The following JMJD1C variants were observed in gnomAD, a reference collection of about 807,000 sequenced individuals.
JMJD1C encodes jumonji domain containing 1C.
In JMJD1C, 31 loss-of-function variants were observed where a neutral mutation model predicts 245.3. That is an observed-to-expected ratio of 0.13 (90% CI 0.09 to 0.17). The LOEUF (loss-of-function observed/expected upper bound fraction) is 0.17. Ranked by LOEUF, JMJD1C falls within the 10% of genes least tolerant of loss-of-function variation. The pLI is 1.00. For missense variants in JMJD1C, 2,691 were observed against 3,000.2 expected, an observed-to-expected ratio of 0.90 and a Z score of 2.41; for synonymous variants, 1,057 against 1,017.4, an observed-to-expected ratio of 1.04 and a Z score of -0.74.
chr10:63,223,323 G>A (rs572941782), intron 3 of JMJD1C, among the ~76,000 whole-genome samples: 119 of 149,748 alleles, frequency 7.9e-4, no homozygotes, highest in Non-Finnish European at 8.3e-4. Context: ...CGCCTCCCAA[G>A]TTCAAGCGAT....
At chr10:63,194,996 C>G (rs1419650725) in intron 13 of JMJD1C, among the ~76,000 whole-genome samples, 1 of 152,168 alleles carries the variant, frequency 6.6e-6, no homozygotes, top group Non-Finnish European at 1.5e-5. Flanking sequence ...GTGACACAGA[C>G]AGCTACTTAC....
intron 2 of JMJD1C, among the ~76,000 whole-genome samples, chr10:63,337,583 G>GAAA (rs1318103518): frequency 2.2e-5 from 2 of 91,328 alleles, no homozygotes; most frequent in African/African-American, 1.4e-4. Flanking sequence ...GAAAAGAAAA[G>GAAA]AAAAGAAAAG....
rs953648309 is a variant in JMJD1C, at chr10:63,465,613, A to G, written c.50T>C (p.Val17Ala). ...AELVGKRFLC[V>A]AVGDEARSER... ...CGAACGTGCCTCGTCGCCGACCGCC[A>G]CACACAGGAACCGCTTACCCACCAG... The change falls in exon 1 of 26, where the codon GTG becomes GCG. Residue 17 changes from valine to alanine, a missense_variant. Around this residue, in one of 9 missense-constraint regions of JMJD1C, gnomAD observed 135 missense variants for 115.5 expected, o/e 1.17. Coordinates refer to ENST00000399262, the MANE Select transcript of JMJD1C (RefSeq NM_032776.3). 6.2e-7 allele frequency: 1 copy of G among 1,609,764 alleles called. No homozygotes were observed. The highest frequency in any genetic ancestry group is 8.5e-7 in the Non-Finnish European group (1 of 1,179,820).
chr10:63,268,301 T>C (rs979356839), intron 2 of JMJD1C, among the ~76,000 whole-genome samples: 9 of 148,986 alleles, frequency 6.0e-5, no homozygotes, highest in African/African-American at 2.0e-4. Flanking sequence ...CAAGCAGGTC[T>C]ATTGAAAAAC....
chr10:63,223,692 T>C (rs1041152014), intron 3 of JMJD1C, among the ~76,000 whole-genome samples: 2 of 152,166 alleles, frequency 1.3e-5, no homozygotes, highest in African/African-American at 4.8e-5. Context: ...ATGTTTAAAT[T>C]TTATAAGTTA....
At chr10:63,200,741 T>C in intron 10 of JMJD1C, 64 bp from the exon 11 acceptor site, 6 of 1,385,938 alleles carry the variant, frequency 4.3e-6, no homozygotes, top group Non-Finnish European at 6.1e-6. Context: ...CTCCTTGAGA[T>C]GAAATTCAAG....
chr10:63,323,997 G>A (rs1346774310), intron 2 of JMJD1C, among the ~76,000 whole-genome samples: 1 of 151,206 alleles, frequency 6.6e-6, no homozygotes, highest in Admixed American at 6.6e-5. Flanking sequence ...CAGGAGACAA[G>A]GATGTTCCAG....
intron 3 of JMJD1C, among the ~76,000 whole-genome samples, chr10:63,253,104 C>T (rs1853333168): frequency 6.6e-6 from 1 of 152,140 alleles, no homozygotes; most frequent in African/African-American, 2.4e-5. Flanking sequence ...AATGATTTAT[C>T]TTAGAGTGAG....
chr10:63,274,423 G>A (rs1369873130), intron 2 of JMJD1C, among the ~76,000 whole-genome samples: 1 of 152,048 alleles, frequency 6.6e-6, no homozygotes, highest in Non-Finnish European at 1.5e-5. Flanking sequence ...AAAATAGCCA[G>A]GTGTGGTGGC....
At chr10:63,353,855 T>C (rs1295095537) in intron 2 of JMJD1C, among the ~76,000 whole-genome samples, 1 of 151,520 alleles carries the variant, frequency 6.6e-6, no homozygotes, top group Non-Finnish European at 1.5e-5. Flanking sequence ...TGTCTGTTTG[T>C]TTTTGAGATG....
Position 63,184,597 on chromosome 10 carries a change from T to C in JMJD1C, c.6961+11A>G. The C allele has an allele frequency of 2.5e-6, 4 of 1,587,052 alleles. No homozygotes were observed. Among genetic ancestry groups the C allele is most frequent in the South Asian group, 2.3e-5 (2 of 86,130 alleles). ...AATTCCTACATGGGAGAAATGTGAATATATACCTACCATAGGCACTGCACA... is the reference window on the plus strand; with the variant it reads ...AATTCCTACATGGGAGAAATGTGAACATATACCTACCATAGGCACTGCACA... On this transcript the variant is annotated intron_variant, in intron 21 of 25. Transcript: ENST00000399262.
intron 2 of JMJD1C, among the ~76,000 whole-genome samples, chr10:63,267,171 T>C (rs1393185699): frequency 3.3e-5 from 5 of 152,110 alleles, no homozygotes; most frequent in African/African-American, 1.2e-4. Flanking sequence ...AAATAAAAAG[T>C]GCTGATAAAT....
intron 1 of JMJD1C, among the ~76,000 whole-genome samples, chr10:63,479,729 G>C (rs1293846872): frequency 6.6e-6 from 1 of 152,024 alleles, no homozygotes; most frequent in African/African-American, 2.4e-5. Flanking sequence ...TCAATTTTTT[G>C]GCAAAAATAG....
At chr10:63,196,670 A>C (rs1845497724) in intron 13 of JMJD1C, among the ~76,000 whole-genome samples, 2 of 152,238 alleles carry the variant, frequency 1.3e-5, no homozygotes, top group Admixed American at 1.3e-4. Context: ...AAGTACTTCT[A>C]ATGTTTCCAC....
chr10:63,167,353 ATATG>A lies in JMJD1C; in HGVS notation c.*688_*691del. The A allele has an allele frequency of 6.6e-6, 1 of 152,624 alleles. No individual in the cohort carries two copies. Among genetic ancestry groups the A allele is most frequent in the Non-Finnish European group, 1.5e-5 (1 of 68,050 alleles). 9.5% of individuals were successfully genotyped at this position (152,624 alleles called of 1,614,324 possible). A position where few individuals can be genotyped will look rare whatever the true frequency, so the allele number is the denominator to read the frequency against. On this transcript the variant is annotated 3_prime_UTR_variant, in exon 26 of 26. Transcript: ENST00000399262. ...TAAAAAAATACATCATTAAATGTATATATGTATATATTTACATAGCATATTAAGT... is the reference window on the plus strand; with the variant it reads ...TAAAAAAATACATCATTAAATGTATATATATATTTACATAGCATATTAAGT...
intron 2 of JMJD1C, among the ~76,000 whole-genome samples, chr10:63,363,446 T>C (rs1193140538): frequency 1.3e-5 from 2 of 151,300 alleles, no homozygotes; most frequent in African/African-American, 2.4e-5. Flanking sequence ...TTGGTAGAGA[T>C]GGGGTTTCAC....
At chr10:63,243,440 C>CA (rs1851778833) in intron 3 of JMJD1C, among the ~76,000 whole-genome samples, 2 of 151,972 alleles carry the variant, frequency 1.3e-5, no homozygotes. Context: ...GCAGAAGAAT[C>CA]GCTTGAACCT....
intron 3 of JMJD1C, among the ~76,000 whole-genome samples, chr10:63,227,262 T>C (rs773645538): frequency 7.2e-5 from 11 of 152,084 alleles, no homozygotes; most frequent in Non-Finnish European, 1.3e-4. Context: ...ATTATGAAAA[T>C]GTTAAAAATA....
intron 3 of JMJD1C, among the ~76,000 whole-genome samples, chr10:63,221,738 T>C (rs1037410743): frequency 6.6e-6 from 1 of 152,244 alleles, no homozygotes; most frequent in African/African-American, 2.4e-5. Context: ...TTTTGTTTTT[T>C]GAGACGGAGT....
Sources: gnomAD v4.1 joint callset for allele counts (sites outside exome capture counted in the v4.1 genomes callset) on GRCh38, gnomAD v4.1.1 for gene constraint, gnomAD v4.1.1 regional missense constraint, MANE v1.5 for transcripts, NCBI Gene and HGNC (gene_info 2026-07-23, HGNC 2026-07-21) for gene names.